The following TBXAS1 variants were observed in gnomAD, a reference collection of about 807,000 sequenced individuals.
TBXAS1 encodes thromboxane-A synthase.
Under a neutral mutation model 60.7 loss-of-function variants are expected in TBXAS1, and 48 were observed. That is an observed-to-expected ratio of 0.79 (90% CI 0.63 to 1.01). The LOEUF (loss-of-function observed/expected upper bound fraction) is 1.01, where lower values mean the gene tolerates loss of function less well. Among genes scored for constraint, TBXAS1 ranks in the 50% least tolerant of loss-of-function variants. The pLI is 0.00. For missense variants in TBXAS1, 685 were observed against 686.3 expected (o/e 1.00, Z 0.02); for synonymous variants, 287 against 269.7 (o/e 1.06, Z -0.63).
Position 139,962,108 on chromosome 7 carries a change from A to G in TBXAS1, c.1009A>G (p.Ile337Val), listed in dbSNP as rs1164172509. ...GGATGAGATTGTGGGCCAGGCCTTC[A>G]TCTTCCTCATCGCTGGCTATGAAAT... is the stretch of plus-strand genomic sequence containing the variant. The part of the protein sequence containing the change: ...TVDEIVGQAF[I>V]FLIAGYEIIT... Residue 337 changes from isoleucine to valine, a missense_variant, in exon 9 of 13, where the codon ATC (isoleucine) becomes GTC (valine). Transcript: ENST00000448866. The G allele has an allele frequency of 1.2e-6, 2 of 1,614,048 alleles. No individual in the cohort carries two copies. The highest frequency in any genetic ancestry group is 1.1e-5 in the South Asian group (1 of 91,088).
chr7:139,807,477 G>A (rs1209290437), intron 4 of TBXAS1, among the ~76,000 whole-genome samples: 5 of 151,932 alleles, frequency 3.3e-5, no homozygotes, highest in South Asian at 2.1e-4. Context: ...TCCGCCTCCC[G>A]GGTTCAAGTG....
intron 9 of TBXAS1, among the ~76,000 whole-genome samples, chr7:139,984,921 AAGG>A (rs1227671905): frequency 5.7e-5 from 5 of 88,274 alleles, no homozygotes; most frequent in Admixed American, 3.2e-4. Flanking sequence ...AGAAAGAAAG[AAGG>A]AAAGAAAGAA....
At chr7:139,927,577 C>T (rs377297000) in intron 4 of TBXAS1, among the ~76,000 whole-genome samples, 1 of 152,100 alleles carries the variant, frequency 6.6e-6, no homozygotes, top group South Asian at 2.1e-4. Context: ...AACACAACTA[C>T]AGTACTATAA....
At chr7:139,792,396 G>T (rs1246887066) in intron 4 of TBXAS1, among the ~76,000 whole-genome samples, 1 of 152,148 alleles carries the variant, frequency 6.6e-6, no homozygotes, top group Non-Finnish European at 1.5e-5. Context: ...CCCATGGTCG[G>T]CTTGGTGGTT....
rs982829155 is a variant in TBXAS1, at chr7:139,849,241, C to T, written c.89+19762C>T. On this transcript the variant is annotated intron_variant, in intron 1 of 12. Coordinates refer to ENST00000448866, the MANE Select transcript of TBXAS1 (RefSeq NM_001061.7). ...AGAAAATACAACAATTAGCCAGGTG[C>T]GGTGACATGCATCTGTGGTCCCAGC... Among the ~76,000 whole-genome samples the T allele has an allele frequency of 6.6e-5, 10 of 151,912 alleles. No individual in the cohort carries two copies. The East Asian group carries it at 7.7e-4, about 12-fold the overall frequency.
At chr7:139,841,924 C>T (rs998169746) in intron 1 of TBXAS1, among the ~76,000 whole-genome samples, 12 of 152,092 alleles carry the variant, frequency 7.9e-5, no homozygotes, top group East Asian at 1.9e-4. Flanking sequence ...AAGCCCTCAA[C>T]GCAACACATC....
At chr7:139,842,218 T>C (rs2116580283) in intron 1 of TBXAS1, among the ~76,000 whole-genome samples, 1 of 152,290 alleles carries the variant, frequency 6.6e-6, no homozygotes, top group East Asian at 1.9e-4. Flanking sequence ...AGTAAGGAAT[T>C]CAGGCTTCTG....
At chr7:139,937,048 A>G (rs1033297609) in intron 5 of TBXAS1, among the ~76,000 whole-genome samples, 1 of 152,086 alleles carries the variant, frequency 6.6e-6, no homozygotes, top group African/African-American at 2.4e-5. Context: ...CTCCAGACCA[A>G]TTTCTCACAC....
chr7:139,805,664 T>C (rs370722630), intron 4 of TBXAS1, among the ~76,000 whole-genome samples: 1 of 68,628 alleles, frequency 1.5e-5, no homozygotes, highest in Admixed American at 1.7e-4. Context: ...CTTTTTCTCT[T>C]TCTTTCTTTC....
chr7:139,791,942 G>A (rs1797397665), intron 4 of TBXAS1, among the ~76,000 whole-genome samples: 1 of 151,510 alleles, frequency 6.6e-6, no homozygotes, highest in Non-Finnish European at 1.5e-5. Flanking sequence ...ATGTGTTTGT[G>A]CATCTCCACA....
At chr7:139,953,283 A>G (rs1225021007) in intron 5 of TBXAS1, 85 bp from the exon 6 acceptor site, 1 of 1,072,458 alleles carries the variant, frequency 9.3e-7, no homozygotes, top group Non-Finnish European at 1.5e-6. Flanking sequence ...CCCAGAAAGC[A>G]CTACATATAA....
chr7:139,995,197 C>A (rs1459048480), intron 9 of TBXAS1, among the ~76,000 whole-genome samples: 1 of 152,142 alleles, frequency 6.6e-6, no homozygotes, highest in South Asian at 2.1e-4. Flanking sequence ...GGGGAGGGGT[C>A]TGGCACCAGC....
rs1809813690 is a variant in TBXAS1, at chr7:139,955,682, T to A, written c.688+75T>A. On this transcript the variant is annotated intron_variant, in intron 7 of 12. Coordinates refer to ENST00000448866, the MANE Select transcript of TBXAS1 (RefSeq NM_001061.7). ...CAGACCCCATGACACCTGGGGTGGC[T>A]TCTGGGGCTCTGTCCCTGCCACTGG... 2.5e-6 allele frequency: 4 copies of A among 1,595,028 alleles called. No homozygotes were observed. The South Asian group carries it at 4.4e-5, about 18-fold the overall frequency.
intron 4 of TBXAS1, among the ~76,000 whole-genome samples, chr7:139,794,438 T>C (rs897582303): frequency 2.6e-5 from 4 of 152,112 alleles, no homozygotes; most frequent in Non-Finnish European, 4.4e-5. Flanking sequence ...ATTTTGTGCT[T>C]TATAATCCCA....
chr7:139,823,408 C>T (rs917507843), intron 4 of TBXAS1, among the ~76,000 whole-genome samples: 3 of 152,034 alleles, frequency 2.0e-5, no homozygotes, highest in East Asian at 1.9e-4. Context: ...GTCCTCCTAA[C>T]CTGATCTCCC....
At chr7:139,871,443 T>C (rs1489030107) in intron 1 of TBXAS1, among the ~76,000 whole-genome samples, 1 of 152,130 alleles carries the variant, frequency 6.6e-6, no homozygotes, top group Non-Finnish European at 1.5e-5. Context: ...TATGTGCAGG[T>C]TTTTCTAAGC....
At chr7:139,994,471 CCA>C in intron 9 of TBXAS1, among the ~76,000 whole-genome samples, 1 of 152,310 alleles carries the variant, frequency 6.6e-6, no homozygotes, top group East Asian at 1.9e-4. Context: ...AAATCTGGTA[CCA>C]GTCACCATTT....
At chr7:140,011,050 G>A (rs906875313) in intron 10 of TBXAS1, among the ~76,000 whole-genome samples, 3 of 151,944 alleles carry the variant, frequency 2.0e-5, no homozygotes, top group Admixed American at 6.5e-5. Context: ...GGCAAGGAGG[G>A]AAGATCACTT....
intron 1 of TBXAS1, among the ~76,000 whole-genome samples, chr7:139,843,086 T>C (rs774611656): frequency 1.3e-5 from 2 of 152,212 alleles, no homozygotes; most frequent in African/African-American, 4.8e-5. Flanking sequence ...TCCTCGCATG[T>C]GCTTCCCTCC....
Sources: allele counts gnomAD v4.1 joint callset (sites outside exome capture counted in the v4.1 genomes callset), GRCh38; gene constraint gnomAD v4.1.1; transcripts MANE v1.5; gene names NCBI Gene and HGNC (gene_info 2026-07-23, HGNC 2026-07-21).